Variants in PLAGL1 observed in about 807,000 individuals in gnomAD.
PLAGL1 encodes PLAG1 like zinc finger 1.
In PLAGL1, 1 loss-of-function variant was observed where a neutral mutation model predicts 4.6. That is an observed-to-expected ratio of 0.22 (90% CI 0.08 to 1.03). The LOEUF is 1.03. Among genes scored for constraint, PLAGL1 ranks in the 50% least tolerant of loss-of-function variants. The pLI is 0.58. For missense variants in PLAGL1, 464 were observed against 570.4 expected, an observed-to-expected ratio of 0.81 and a Z score of 1.90; for synonymous variants, 240 against 237.8, an observed-to-expected ratio of 1.01 and a Z score of -0.08.
intron 1 of PLAGL1, among the ~76,000 whole-genome samples, chr6:144,021,417 T>C (rs1795970501): frequency 6.6e-6 from 1 of 152,220 alleles, no homozygotes; most frequent in Admixed American, 6.5e-5. Context: ...TTTGTGAACC[T>C]TTCTAATATT....
chr6:143,941,679 G>A lies in PLAGL1; in HGVS notation c.1137C>T (p.Asp379=), dbSNP rs145034248. ...AVNLTIPASL[D]LSPLLGFWQL... The stretch of plus-strand genomic sequence containing the variant: ...GCCAGAAGCCCAACAGGGGGGACAG[G>A]TCCAGAGAGGCAGGTATTGTTAGGT... Residue 379 remains aspartate (D), a synonymous_variant, in exon 8 of 8, where the codon GAC becomes GAT. Coordinates refer to ENST00000674357, the MANE Select transcript of PLAGL1 (RefSeq NM_001317162.2). The surrounding 1 kb of genome is among the most constrained non-coding windows in gnomAD (Gnocchi z 6.0). 53 of 1,614,260 alleles carry A rather than the reference G, an allele frequency of 3.3e-5. No homozygotes were observed. Among genetic ancestry groups the A allele is most frequent in the Non-Finnish European group, 4.2e-5 (50 of 1,180,050 alleles).
chr6:144,051,455 C>G (rs1798579248), intron 1 of PLAGL1, among the ~76,000 whole-genome samples: 1 of 152,202 alleles, frequency 6.6e-6, no homozygotes, highest in Non-Finnish European at 1.5e-5. Flanking sequence ...TAAGGACAAT[C>G]ATTTACTCCT....
intron 6 of PLAGL1, among the ~76,000 whole-genome samples, chr6:143,951,667 A>G (rs1467341278): frequency 2.0e-5 from 3 of 152,246 alleles, no homozygotes; most frequent in Non-Finnish European, 4.4e-5. Flanking sequence ...TGAGCCCTCA[A>G]AGATGAATGG....
At position 144,008,103 on chromosome 6, in the gene PLAGL1, G is replaced by C. The variant is rs1365819056; in HGVS notation, c.-597C>G. The C allele has an allele frequency of 6.6e-6, 1 of 151,826 alleles. No homozygotes were observed. The allele number at this position is 151,826 out of a possible 1,614,324, so 9.4% of individuals were successfully genotyped here. On this transcript the variant is annotated 5_prime_UTR_variant, in exon 1 of 8. Coordinates refer to ENST00000674357, the MANE Select transcript of PLAGL1 (RefSeq NM_001317162.2). This position sits in a 1 kb window ranked among gnomAD's most constrained non-coding sequence, Gnocchi z 6.9. ...CCAAACACCTACCCTGCGGGGCGAC[G>C]ACCCCCGGAGCTCAGGCGAGGCCGC...
chr6:143,962,639 A>G lies in PLAGL1; in HGVS notation c.-398-2097T>C, dbSNP rs970733894. On this transcript the variant is annotated intron_variant, in intron 5 of 7. Transcript: ENST00000674357. The surrounding 1 kb of genome is among the most constrained non-coding windows in gnomAD (Gnocchi z 5.3). ...TTTGCTTCTGAGAACAGCATTTAAG[A>G]ACCCGTCTTTTTCTCTCTTAATGAA... is the stretch of plus-strand genomic sequence containing the variant. Among the ~76,000 whole-genome samples the G allele has an allele frequency of 1.3e-5, 2 of 152,234 alleles. No individual in the cohort carries two copies. Among genetic ancestry groups the G allele is most frequent in the African/African-American group, 4.8e-5 (2 of 41,462 alleles).
At chr6:144,002,169 C>T (rs998294084) in intron 1 of PLAGL1, among the ~76,000 whole-genome samples, 12 of 152,068 alleles carry the variant, frequency 7.9e-5, no homozygotes, top group Admixed American at 1.3e-4. Flanking sequence ...ACTATCTTTG[C>T]AATTCTTGTA....
chr6:144,027,145 G>A lies in PLAGL1; in HGVS notation c.-151+37323C>T, dbSNP rs769062065. 6.6e-6 allele frequency among the ~76,000 whole-genome samples: 1 copy of A among 151,752 alleles called. No homozygotes were observed. Among genetic ancestry groups the A allele is most frequent in the Non-Finnish European group, 1.5e-5 (1 of 67,964 alleles). ...AGGCTGAGGTGGGAGGATCACCTGA[G>A]CCCACGAGTTTGAGGCTGTGGAGAG... is the stretch of plus-strand genomic sequence containing the variant. On this transcript the variant is annotated intron_variant, in intron 1 of 3. Coordinates refer to the PLAGL1 transcript ENST00000437412. The surrounding 1 kb of genome is among the most constrained non-coding windows in gnomAD (Gnocchi z 5.8).
chr6:144,056,296 C>T lies in PLAGL1; in HGVS notation c.-151+8172G>A, dbSNP rs186817572. Among the ~76,000 whole-genome samples, 241 of 152,312 alleles carry T rather than the reference C, an allele frequency of 1.6e-3. 1 individual carries two copies. The highest frequency in any genetic ancestry group is 5.4e-3 in the African/African-American group (226 of 41,572). On this transcript the variant is annotated intron_variant, in intron 1 of 3. Coordinates refer to the PLAGL1 transcript ENST00000437412. This position sits in a 1 kb window ranked among gnomAD's most constrained non-coding sequence, Gnocchi z 4.7. ...ATTACCGGCATCCCCACCAGGATGG[C>T]GCATTTGTTCCAACTGTTCAATCCA... is the stretch of plus-strand genomic sequence containing the variant.
At chr6:143,977,645 G>A (rs572640117) in intron 2 of PLAGL1, among the ~76,000 whole-genome samples, 11 of 151,304 alleles carry the variant, frequency 7.3e-5, no homozygotes, top group Admixed American at 3.9e-4. Context: ...GATTACAGGC[G>A]CCCACCATCA....
Position 143,945,760 on chromosome 6 carries a change from CT to C in PLAGL1, c.152+2224del, listed in dbSNP as rs901287523. Among the ~76,000 whole-genome samples the C allele has an allele frequency of 2.0e-5, 3 of 152,194 alleles. No individual in the cohort carries two copies. Among genetic ancestry groups the C allele is most frequent in the East Asian group, 1.9e-4 (1 of 5,186 alleles). ...AAAGTGCTGGGATTACAGGCATCAT[CT>C]TTTTTTTAAAAGCAAAACCGAAAGC... On this transcript the variant is annotated intron_variant, in intron 7 of 7. Coordinates refer to ENST00000674357, the MANE Select transcript of PLAGL1 (RefSeq NM_001317162.2). The surrounding 1 kb of genome is among the most constrained non-coding windows in gnomAD (Gnocchi z 4.2).
At position 143,970,172 on chromosome 6, in the gene PLAGL1, T is replaced by C. The variant is rs2128578934; in HGVS notation, c.-543-1194A>G. Among the ~76,000 whole-genome samples the C allele has an allele frequency of 6.6e-6, 1 of 152,316 alleles. No individual in the cohort carries two copies. Among genetic ancestry groups the C allele is most frequent in the Non-Finnish European group, 1.5e-5 (1 of 68,030 alleles). ...GCCTTGACCAAAAAGGCTGCTGTTG[T>C]ATGTGTTTTTAAAATAACGAAACCA... On this transcript the variant is annotated intron_variant, in intron 2 of 7. Coordinates refer to ENST00000674357, the MANE Select transcript of PLAGL1 (RefSeq NM_001317162.2). This position sits in a 1 kb window ranked among gnomAD's most constrained non-coding sequence, Gnocchi z 5.8.
chr6:143,948,210 A>T lies in PLAGL1; in HGVS notation c.-74T>A, dbSNP rs1224610077. The T allele has an allele frequency of 1.4e-6, 2 of 1,395,248 alleles. No individual in the cohort carries two copies. The highest frequency in any genetic ancestry group is 2.3e-5 in the East Asian group (1 of 43,116). 86.4% of individuals were successfully genotyped at this position (1,395,248 alleles called of 1,614,324 possible). On this transcript the variant is annotated 5_prime_UTR_variant, in exon 7 of 8. Transcript: ENST00000674357. This position sits in a 1 kb window ranked among gnomAD's most constrained non-coding sequence, Gnocchi z 6.0. ...GTGCCATTTAAGCACAAACAGAACG[A>T]TGGTGCTGGGCACATCAGCAGAGTC...
chr6:143,952,826 CT>C lies in PLAGL1; in HGVS notation c.-324-4367del, dbSNP rs913084624. 2.0e-5 allele frequency among the ~76,000 whole-genome samples: 3 copies of C among 152,336 alleles called. No homozygotes were observed. In the East Asian group the frequency reaches 5.8e-4, roughly 29 times the overall value. ...TTTCTGAGAGGAAAGTGAATTTCCA[CT>C]TTTGGTCTTCCAACAAGGGTGTTTT... On this transcript the variant is annotated intron_variant, in intron 6 of 7. Coordinates refer to ENST00000674357, the MANE Select transcript of PLAGL1 (RefSeq NM_001317162.2). This position sits in a 1 kb window ranked among gnomAD's most constrained non-coding sequence, Gnocchi z 6.1.
chr6:143,998,422 C>T (rs538865994), intron 1 of PLAGL1, among the ~76,000 whole-genome samples: 2 of 152,180 alleles, frequency 1.3e-5, no homozygotes, highest in Admixed American at 1.3e-4. Context: ...CACTTACTAA[C>T]TATATGGTGT....
chr6:143,957,657 A>C lies in PLAGL1; in HGVS notation c.-325+2812T>G, dbSNP rs949283305. Reference sequence around the variant, plus strand: ...TGTGTGAGGATATAGGCTCACATTGAGAAGAGAAATGTGAAAAGCATATTA... The same window carrying C: ...TGTGTGAGGATATAGGCTCACATTGCGAAGAGAAATGTGAAAAGCATATTA... On this transcript the variant is annotated intron_variant, in intron 6 of 7. Transcript: ENST00000674357. This position sits in a 1 kb window ranked among gnomAD's most constrained non-coding sequence, Gnocchi z 4.2. Among the ~76,000 whole-genome samples, 6 of 152,322 alleles carry C rather than the reference A, an allele frequency of 3.9e-5. 1 individual carries two copies. The East Asian group carries it at 9.6e-4, about 24-fold the overall frequency.
chr6:144,020,818 AT>A, intron 1 of PLAGL1, among the ~76,000 whole-genome samples: 1 of 145,932 alleles, frequency 6.9e-6, no homozygotes, highest in South Asian at 2.1e-4. Context: ...ATATTTATAT[AT>A]TATATTATAT....
In PLAGL1 at chr6:144,034,357, A is replaced by G. The variant is rs149795569; in HGVS notation, c.-151+30111T>C. Among the ~76,000 whole-genome samples the G allele has an allele frequency of 3.0e-4, 45 of 152,312 alleles. 1 individual carries two copies. The East Asian group carries it at 8.7e-3, about 29-fold the overall frequency. ...TCAGGCTGCTGGGCACACAGCCCCC[A>G]GGCTGACTGGAAGACGGGGCTCACT... On this transcript the variant is annotated intron_variant, in intron 1 of 3. Transcript: ENST00000437412. The surrounding 1 kb of genome is among the most constrained non-coding windows in gnomAD (Gnocchi z 4.7).
In PLAGL1 at chr6:143,948,796, A is replaced by AACAACAACAACAACAACAAACG. The variant is rs1467756889; in HGVS notation, c.-324-337_-324-336insCGTTTGTTGTTGTTGTTGTTGT. Among the ~76,000 whole-genome samples, 2 of 151,470 alleles carry AACAACAACAACAACAACAAACG rather than the reference A, an allele frequency of 1.3e-5. No homozygotes were observed. The highest frequency in any genetic ancestry group is 2.4e-5 in the African/African-American group (1 of 41,150). Reference sequence around the variant, plus strand: ...AACAACAACAACAACAACAACAAACAAAAACCTCCCTCCCTCAGTGTGTTC... The same window carrying AACAACAACAACAACAACAAACG: ...AACAACAACAACAACAACAACAAACAACAACAACAACAACAACAAACGAAAACCTCCCTCCCTCAGTGTGTTC... On this transcript the variant is annotated intron_variant, in intron 6 of 7. Transcript: ENST00000674357. This position sits in a 1 kb window ranked among gnomAD's most constrained non-coding sequence, Gnocchi z 6.0.
In PLAGL1 at chr6:143,953,781, C is replaced by A. The variant is rs1041636054; in HGVS notation, c.-324-5321G>T. Among the ~76,000 whole-genome samples the A allele has an allele frequency of 1.3e-5, 2 of 152,202 alleles. No homozygotes were observed. Among genetic ancestry groups the A allele is most frequent in the Admixed American group, 1.3e-4 (2 of 15,286 alleles). ...AGTTTAAGCCAGCATTAAGAGGCAA[C>A]AAAACAACCTGCTATACCCTGAAGC... On this transcript the variant is annotated intron_variant, in intron 6 of 7. Coordinates refer to ENST00000674357, the MANE Select transcript of PLAGL1 (RefSeq NM_001317162.2). This position sits in a 1 kb window ranked among gnomAD's most constrained non-coding sequence, Gnocchi z 5.3.
Sources: gnomAD v4.1 joint callset for allele counts (sites outside exome capture counted in the v4.1 genomes callset) on GRCh38, gnomAD v4.1.1 for gene constraint, Gnocchi (gnomAD v3.1) non-coding constraint, MANE v1.5 for transcripts, NCBI Gene and HGNC (gene_info 2026-07-23, HGNC 2026-07-21) for gene names.